CBX7: variants seen among roughly 807,000 people sequenced by gnomAD.
CBX7 encodes chromobox protein homolog 7.
CBX7 carries 14 observed loss-of-function variants against 31.4 expected under a neutral mutation model. The ratio of observed to expected loss-of-function variants is 0.45; its 90% CI spans 0.29 to 0.70. The LOEUF (loss-of-function observed/expected upper bound fraction) is 0.70. CBX7 is among the 30% of genes least tolerant of loss of function. CBX7 has a pLI of 0.11. For synonymous variants in CBX7, 159 were observed against 152.6 expected, an observed-to-expected ratio of 1.04 and a Z score of -0.31; for missense variants, 269 against 351.9, an observed-to-expected ratio of 0.76 and a Z score of 1.89.
At chr22:39,151,744 T>C (rs1468463189) in intron 1 of CBX7, among the ~76,000 whole-genome samples, 1 of 151,790 alleles carries the variant, frequency 6.6e-6, no homozygotes, top group Non-Finnish European at 1.5e-5. Flanking sequence ...CCTCCTTAAA[T>C]TGCAGGGTGT....
intron 4 of CBX7, chr22:39,135,504 TC>T (rs1394743627): frequency 2.1e-5 from 3 of 142,634 alleles, no homozygotes; most frequent in Non-Finnish European, 4.6e-5. Flanking sequence ...GACAGTACCT[TC>T]TCCTGCCACC....
intron 4 of CBX7, chr22:39,135,402 T>C (rs1250769901): frequency 6.6e-6 from 1 of 152,272 alleles, no homozygotes; most frequent in South Asian, 2.1e-4. Flanking sequence ...GAGTTTGTAA[T>C]GTCGGGATTT....
intron 3 of CBX7, among the ~76,000 whole-genome samples, chr22:39,139,717 A>AG (rs1930386066): frequency 7.0e-6 from 1 of 143,756 alleles, no homozygotes; most frequent in African/African-American, 2.6e-5. Context: ...AAAAAAAAAA[A>AG]AAAAGAAAGA....
intron 2 of CBX7, 60 bp from the exon 3 acceptor site, chr22:39,141,496 C>T: frequency 6.8e-7 from 1 of 1,464,966 alleles, no homozygotes; most frequent in East Asian, 2.4e-5. Flanking sequence ...TGCCTGTAAT[C>T]CCAGCACTTT....
intron 3 of CBX7, among the ~76,000 whole-genome samples, chr22:39,139,062 A>G (rs1000032566): frequency 1.3e-5 from 2 of 152,054 alleles, no homozygotes; most frequent in East Asian, 1.9e-4. Flanking sequence ...GGGGAGTGAT[A>G]CAGAAGCCTG....
intron 2 of CBX7, among the ~76,000 whole-genome samples, chr22:39,141,961 G>A (rs117125511): frequency 0.025 from 3,874 of 152,174 alleles, 83 homozygotes; most frequent in Non-Finnish European, 0.04. Context: ...AATGTGACTG[G>A]GTCCAACTCC....
intron 2 of CBX7, among the ~76,000 whole-genome samples, chr22:39,146,585 T>C (rs890850631): frequency 6.6e-6 from 1 of 152,232 alleles, no homozygotes; most frequent in Non-Finnish European, 1.5e-5. Context: ...TGGAGTTGCC[T>C]GTGTATCAGG....
intron 4 of CBX7, chr22:39,136,375 G>C (rs1208846206): frequency 6.6e-6 from 1 of 152,362 alleles, no homozygotes; most frequent in Non-Finnish European, 1.5e-5. Context: ...CCAGTGCTGT[G>C]TTGTGTGACT....
intron 4 of CBX7, among the ~76,000 whole-genome samples, 186 bp downstream of exon 4, chr22:39,138,450 C>T (rs1346647960): frequency 6.6e-6 from 1 of 152,200 alleles, no homozygotes; most frequent in East Asian, 1.9e-4. Context: ...GCACCAGCCC[C>T]ACACGCAGGC....
intron 1 of CBX7, among the ~76,000 whole-genome samples, chr22:39,151,026 G>C (rs1930831003): frequency 6.6e-6 from 1 of 152,152 alleles, no homozygotes; most frequent in Non-Finnish European, 1.5e-5. Context: ...GTGGATCCCT[G>C]GGGCTTAGAC....
chr22:39,138,536 C>T, intron 4 of CBX7, 100 bp downstream of exon 4: 1 of 1,125,044 alleles, frequency 8.9e-7, no homozygotes, highest in East Asian at 2.3e-5. Context: ...GGCGAGGGGA[C>T]ACAGATCAGC....
At chr22:39,149,738 T>C (rs1040785304) in intron 2 of CBX7, 51 bp downstream of exon 2, 1 of 1,562,664 alleles carries the variant, frequency 6.4e-7, no homozygotes, top group Admixed American at 1.7e-5. Context: ...GGTGGAGGAA[T>C]GCATGGGTCG....
At chr22:39,136,250 C>A (rs1158752928) in intron 4 of CBX7, 1 of 152,184 alleles carries the variant, frequency 6.6e-6, no homozygotes, top group Non-Finnish European at 1.5e-5. Context: ...CCTCCCTGGG[C>A]CTCAGTTTCT....
chr22:39,140,815 T>G (rs1174648625), intron 3 of CBX7, among the ~76,000 whole-genome samples: 1 of 151,932 alleles, frequency 6.6e-6, no homozygotes, highest in Non-Finnish European at 1.5e-5. Context: ...TGGGAGACTG[T>G]GCCTGGGCCA....
intron 2 of CBX7, among the ~76,000 whole-genome samples, chr22:39,144,884 T>G (rs759026455): frequency 2.6e-5 from 4 of 152,188 alleles, no homozygotes; most frequent in Non-Finnish European, 5.9e-5. Flanking sequence ...GGTGCTTAGT[T>G]CTTACCCCCA....
chr22:39,148,772 T>G (rs1930748082), intron 2 of CBX7: 1 of 152,270 alleles, frequency 6.6e-6, no homozygotes, highest in African/African-American at 2.4e-5. Flanking sequence ...GTGAGATGAG[T>G]GCAGGGCCTG....
intron 3 of CBX7, among the ~76,000 whole-genome samples, chr22:39,139,466 G>A (rs1930370321): frequency 6.6e-6 from 1 of 152,068 alleles, no homozygotes; most frequent in Admixed American, 6.6e-5. Context: ...ACTTTGGGAG[G>A]CTGAGGCGGG....
intron 1 of CBX7, among the ~76,000 whole-genome samples, chr22:39,151,005 T>G (rs1350525137): frequency 6.6e-6 from 1 of 152,200 alleles, no homozygotes; most frequent in Non-Finnish European, 1.5e-5. Flanking sequence ...GCCAGCTCCC[T>G]GAGGGAAGGG....
chr22:39,141,361 G>T lies in CBX7; in HGVS notation c.179+10C>A, dbSNP rs770663139. ...CTAAGCCCCACCCGGCGGTGCCGAG[G>T]ACACCGTACTTCTCCTCGTAGGCCA... On this transcript the variant is annotated intron_variant, in intron 3 of 5. Transcript: ENST00000216133. 5.6e-6 allele frequency: 9 copies of T among 1,609,944 alleles called. No homozygotes were observed. The African/African-American group carries it at 1.2e-4, about 22-fold the overall frequency.
Sources: allele counts gnomAD v4.1 joint callset (sites outside exome capture counted in the v4.1 genomes callset), GRCh38; gene constraint gnomAD v4.1.1; transcripts MANE v1.5; gene names NCBI Gene and HGNC (gene_info 2026-07-23, HGNC 2026-07-21).